Variants in SEMA3D observed in about 807,000 individuals in gnomAD.
SEMA3D encodes semaphorin 3D.
SEMA3D carries 84 observed loss-of-function variants against 100.1 expected under a neutral mutation model. The ratio of observed to expected loss-of-function variants is 0.84; its 90% CI spans 0.70 to 1.01. The LOEUF (loss-of-function observed/expected upper bound fraction) is 1.01, where lower values mean the gene tolerates loss of function less well. SEMA3D is among the 50% of genes least tolerant of loss of function. The pLI, the probability that SEMA3D is intolerant of heterozygous loss-of-function variation, is 0.00. For missense variants in SEMA3D, 875 were observed against 934.1 expected (o/e 0.94, Z 0.82); for synonymous variants, 312 against 320.7 (o/e 0.97, Z 0.29).
intron 3 of SEMA3D, among the ~76,000 whole-genome samples, chr7:85,120,493 C>T (rs568376816): frequency 6.6e-6 from 1 of 151,758 alleles, no homozygotes; most frequent in African/African-American, 2.4e-5. Context: ...CACGGTGAAA[C>T]CCCATCTCTA....
chr7:85,004,914 A>T (rs1043855249), intron 18 of SEMA3D, among the ~76,000 whole-genome samples: 2 of 152,014 alleles, frequency 1.3e-5, no homozygotes, highest in African/African-American at 2.4e-5. Flanking sequence ...ATTGAAATTC[A>T]TGGAGCATGG....
Position 85,015,099 on chromosome 7 carries a change from C to A in SEMA3D, c.1663G>T (p.Asp555Tyr), listed in dbSNP as rs1790060109. Residue 555 changes from aspartate to tyrosine, a missense_variant, in exon 16 of 19, where the codon GAT becomes TAT. Transcript: ENST00000284136. Reference protein sequence around the residue: ...CLARDPYCAWDGNACSRYAPT... With the variant: ...CLARDPYCAWYGNACSRYAPT... Reference sequence around the variant, plus strand: ...GCATATCGAGAGCATGCATTTCCATCCCAGGCACAGTAGGGGTCTCTGGCA... The same window carrying A: ...GCATATCGAGAGCATGCATTTCCATACCAGGCACAGTAGGGGTCTCTGGCA... 1.2e-6 allele frequency: 2 copies of A among 1,611,546 alleles called. No individual in the cohort carries two copies. The highest frequency in any genetic ancestry group is 1.3e-5 in the African/African-American group (1 of 74,712).
the SEMA3D span, among the ~76,000 whole-genome samples, chr7:85,194,825 G>A: frequency 6.7e-6 from 1 of 150,170 alleles, no homozygotes; most frequent in Non-Finnish European, 1.5e-5. Flanking sequence ...GTGTGTAGAT[G>A]GCCATCTTTT....
At chr7:85,167,157 A>T in intron 1 of SEMA3D, 1 of 495,330 alleles carries the variant, frequency 2.0e-6, no homozygotes. Context: ...AAACAATATT[A>T]TGTTTCATCA....
intron 15 of SEMA3D, among the ~76,000 whole-genome samples, chr7:85,015,771 A>T (rs1170530443): frequency 6.6e-6 from 1 of 151,858 alleles, no homozygotes; most frequent in Non-Finnish European, 1.5e-5. Context: ...GGGATGCTAT[A>T]TCACAAATGA....
the SEMA3D span, among the ~76,000 whole-genome samples, chr7:85,226,584 G>A: frequency 6.6e-6 from 1 of 152,104 alleles, no homozygotes; most frequent in African/African-American, 2.4e-5. Flanking sequence ...GGTACTTGTG[G>A]TAACAACAGG....
chr7:85,025,149 G>A (rs1052378670), intron 12 of SEMA3D, among the ~76,000 whole-genome samples: 4 of 151,870 alleles, frequency 2.6e-5, no homozygotes, highest in Non-Finnish European at 4.4e-5. Context: ...CATACCATAC[G>A]GGGACATTTA....
intron 1 of SEMA3D, chr7:85,181,672 C>T: frequency 4.4e-6 from 2 of 451,402 alleles, no homozygotes; most frequent in African/African-American, 2.1e-5. Context: ...TGCTGACCTC[C>T]TTCCAAAGAG....
At chr7:85,231,698 C>A in the SEMA3D span, among the ~76,000 whole-genome samples, 2 of 152,112 alleles carry the variant, frequency 1.3e-5, no homozygotes, top group African/African-American at 4.8e-5. Context: ...GATCCGCCCC[C>A]CTCAGCCTCC....
At chr7:85,072,821 T>C (rs915774239) in intron 6 of SEMA3D, 141 bp downstream of exon 6, 17 of 637,204 alleles carry the variant, frequency 2.7e-5, no homozygotes, top group South Asian at 4.3e-5. Flanking sequence ...CTCCTGAGTA[T>C]TGGCATTACA....
chr7:85,142,642 A>T lies in SEMA3D; in HGVS notation c.-41+10966T>A, dbSNP rs542325333. The T allele has an allele frequency of 1.2e-4, 118 of 981,176 alleles. No individual in the cohort carries two copies. The African/African-American group carries it at 1.9e-3, about 16-fold the overall frequency. 60.8% of individuals were successfully genotyped at this position (981,176 alleles called of 1,614,324 possible). A position where few individuals can be genotyped will look rare whatever the true frequency, so the allele number is the denominator to read the frequency against. ...GTTTTATTTCAGAGAGTCCAGAAAG[A>T]GATTCTTTAGAAGAAAGCAAAGAAG... On this transcript the variant is annotated intron_variant, in intron 2 of 18. Coordinates refer to ENST00000284136, the MANE Select transcript of SEMA3D (RefSeq NM_001384900.1).
the SEMA3D span, among the ~76,000 whole-genome samples, chr7:85,243,913 G>C: frequency 6.6e-6 from 1 of 152,170 alleles, no homozygotes. Context: ...AGCAACACTA[G>C]TGTTGTTTAC....
At chr7:85,179,181 G>A (rs1299091405) in intron 1 of SEMA3D, among the ~76,000 whole-genome samples, 2 of 152,194 alleles carry the variant, frequency 1.3e-5, no homozygotes, top group African/African-American at 4.8e-5. Flanking sequence ...AAGTAATGGA[G>A]TAGTGGCCAG....
chr7:85,097,881 C>G lies in SEMA3D; in HGVS notation c.236G>C (p.Arg79Thr). 1 of 1,609,750 alleles carries G rather than the reference C, an allele frequency of 6.2e-7. No homozygotes were observed. The highest frequency in any genetic ancestry group is 8.5e-7 in the Non-Finnish European group (1 of 1,177,008). The change falls in exon 4 of 19, where the codon AGA becomes ACA. Residue 79 changes from arginine to threonine, a missense_variant. Physicochemically the swap from Arg to Thr is moderately conservative, Grantham distance 71 (BLOSUM62 -1). Coordinates refer to ENST00000284136, the MANE Select transcript of SEMA3D (RefSeq NM_001384900.1). ...TTTGGCTCCCAAGAGCAGCCTGCCT[C>G]TTTCCTCATCTAAGAGAAGAGTTTG... ...DFQTLLLDEE[R>T]GRLLLGAKDH...
At chr7:85,131,554 T>A (rs1187880840) in intron 2 of SEMA3D, among the ~76,000 whole-genome samples, 1 of 152,038 alleles carries the variant, frequency 6.6e-6, no homozygotes, top group Non-Finnish European at 1.5e-5. Context: ...TTAAGATTTT[T>A]ACTTGGATTA....
chr7:85,155,447 T>C (rs1790563291), intron 1 of SEMA3D, among the ~76,000 whole-genome samples: 1 of 152,146 alleles, frequency 6.6e-6, no homozygotes, highest in South Asian at 2.1e-4. Context: ...ATTAGTTATT[T>C]TGTTTTCCAC....
rs377295252 is a variant in SEMA3D, at chr7:85,090,415, C to T, written c.312+7390G>A. On this transcript the variant is annotated intron_variant, in intron 4 of 18. Transcript: ENST00000284136. ...CTGTGATTACTAGACAGCATATGCTCGGCAGGCAATGGAAACAGATTAATC... is the reference window on the plus strand; with the variant it reads ...CTGTGATTACTAGACAGCATATGCTTGGCAGGCAATGGAAACAGATTAATC... Among the ~76,000 whole-genome samples the T allele has an allele frequency of 6.5e-4, 99 of 152,166 alleles. 1 individual carries two copies. In the South Asian group the frequency reaches 0.018, roughly 28 times the overall value.
intron 3 of SEMA3D, among the ~76,000 whole-genome samples, chr7:85,099,553 C>A (rs1285488605): frequency 1.3e-5 from 2 of 151,874 alleles, no homozygotes; most frequent in African/African-American, 4.8e-5. Context: ...AAATATTATA[C>A]TAAGGAGCAT....
intron 8 of SEMA3D, among the ~76,000 whole-genome samples, chr7:85,061,310 A>G (rs1421726679): frequency 2.6e-5 from 4 of 152,130 alleles, no homozygotes; most frequent in African/African-American, 7.2e-5. Context: ...ACAGTCCTAG[A>G]AAAATTCTGA....
Sources: gnomAD v4.1 joint callset for allele counts (sites outside exome capture counted in the v4.1 genomes callset) on GRCh38, gnomAD v4.1.1 for gene constraint, MANE v1.5 for transcripts, NCBI Gene and HGNC (gene_info 2026-07-23, HGNC 2026-07-21) for gene names.